Variants in UBE4B observed in about 807,000 individuals in gnomAD.
The protein encoded by UBE4B is ubiquitin conjugation factor E4 B.
Under a neutral mutation model 148.1 loss-of-function variants are expected in UBE4B, and 27 were observed. That is an observed-to-expected ratio of 0.18 (90% CI 0.13 to 0.25). The LOEUF is 0.25. UBE4B is among the 10% of genes least tolerant of loss of function. The pLI is 1.00. For synonymous variants in UBE4B, 596 were observed against 619.3 expected, an observed-to-expected ratio of 0.96 and a Z score of 0.56; for missense variants, 1,170 against 1,662.4, an observed-to-expected ratio of 0.70 and a Z score of 5.15.
intron 2 of UBE4B, among the ~76,000 whole-genome samples, chr1:10,091,820 G>A (rs981796427): frequency 6.6e-6 from 1 of 152,146 alleles, no homozygotes; most frequent in African/African-American, 2.4e-5. Flanking sequence ...GGTCAGGCTG[G>A]TCTCTAACTC....
intron 10 of UBE4B, among the ~76,000 whole-genome samples, chr1:10,122,995 A>C (rs1362922955): frequency 6.6e-6 from 1 of 152,206 alleles, no homozygotes; most frequent in African/African-American, 2.4e-5. Flanking sequence ...TCCAAGAATA[A>C]AAATTCCAGT....
intron 26 of UBE4B, chr1:10,179,157 C>A: frequency 2.0e-6 from 1 of 498,652 alleles, no homozygotes; most frequent in Non-Finnish European, 3.5e-6. Context: ...GCCTGTGGGG[C>A]CTGCTGCTGG....
chr1:10,141,004 C>G (rs1645774416), intron 17 of UBE4B, among the ~76,000 whole-genome samples: 1 of 152,134 alleles, frequency 6.6e-6, no homozygotes, highest in Non-Finnish European at 1.5e-5. Context: ...AATTCAGGGT[C>G]TCTGGTAGGT....
chr1:10,103,295 T>C, intron 5 of UBE4B: 1 of 432,330 alleles, frequency 2.3e-6, no homozygotes, highest in Non-Finnish European at 4.1e-6. Context: ...ATTTTTCATT[T>C]CCATGATTTC....
At chr1:10,116,144 T>C (rs1645304629) in intron 7 of UBE4B, among the ~76,000 whole-genome samples, 1 of 152,102 alleles carries the variant, frequency 6.6e-6, no homozygotes. Context: ...GTTCCCATAC[T>C]TTTTTTCTTT....
At position 10,161,057 on chromosome 1, in the gene UBE4B, G is replaced by T; in HGVS notation, c.3054-85G>T. ...TTAGGGTGAGATAGTTGCAGTCTGG[G>T]TGGAGGTGCTTGTTCCCTGGGATTT... On this transcript the variant is annotated intron_variant, in intron 22 of 27. Transcript: ENST00000343090. The surrounding 1 kb of genome is among the most constrained non-coding windows in gnomAD (Gnocchi z 4.1). The T allele has an allele frequency of 1.3e-6, 2 of 1,502,618 alleles. No homozygotes were observed. Among genetic ancestry groups the T allele is most frequent in the Non-Finnish European group, 1.8e-6 (2 of 1,098,486 alleles). 93.1% of individuals were successfully genotyped at this position (1,502,618 alleles called of 1,614,324 possible). A position where few individuals can be genotyped will look rare whatever the true frequency, so the allele number is the denominator to read the frequency against.
intron 8 of UBE4B, among the ~76,000 whole-genome samples, chr1:10,118,843 G>T (rs1258926997): frequency 8.2e-6 from 1 of 121,526 alleles, no homozygotes; most frequent in Non-Finnish European, 1.8e-5. Flanking sequence ...TGGAGATGGG[G>T]TTTCACCATG....
At chr1:10,155,343 T>C (rs1322373176) in intron 21 of UBE4B, among the ~76,000 whole-genome samples, 1 of 152,122 alleles carries the variant, frequency 6.6e-6, no homozygotes, top group African/African-American at 2.4e-5. Flanking sequence ...TTTCACTTAA[T>C]CCCCACGGCA....
intron 10 of UBE4B, among the ~76,000 whole-genome samples, chr1:10,123,140 A>G (rs938635077): frequency 3.3e-5 from 5 of 152,146 alleles, no homozygotes; most frequent in African/African-American, 1.2e-4. Context: ...AGGAAAATAA[A>G]TCACTGTCGG....
intron 4 of UBE4B, among the ~76,000 whole-genome samples, chr1:10,102,279 A>C (rs539044628): frequency 1.3e-5 from 2 of 151,590 alleles, no homozygotes; most frequent in Non-Finnish European, 2.9e-5. Context: ...AAAATTGGTC[A>C]TGCACCTGGA....
chr1:10,179,791 G>C, intron 27 of UBE4B, 104 bp from the exon 28 acceptor site: 1 of 1,483,286 alleles, frequency 6.7e-7, no homozygotes, highest in Admixed American at 1.9e-5. Context: ...CTCAATGAGG[G>C]AAAGAATGGC....
At chr1:10,098,729 A>G (rs1644965321) in intron 3 of UBE4B, among the ~76,000 whole-genome samples, 2 of 152,212 alleles carry the variant, frequency 1.3e-5, no homozygotes, top group Non-Finnish European at 2.9e-5. Flanking sequence ...TGTATGTGTT[A>G]CTACAGTATA....
chr1:10,094,405 G>A lies in UBE4B; in HGVS notation c.212-1056G>A, dbSNP rs983721651. Among the ~76,000 whole-genome samples, 82 of 150,796 alleles carry A rather than the reference G, an allele frequency of 5.4e-4. 2 individuals carry two copies. The highest frequency in any genetic ancestry group is 5.9e-5 in the Non-Finnish European group (4 of 67,778). On this transcript the variant is annotated intron_variant, in intron 2 of 27. Transcript: ENST00000343090. Reference sequence around the variant, plus strand: ...TGAGAGAATTTTGCAGGGAACACCCGTATACTCACCATCTAGATTCTATCA... The same window carrying A: ...TGAGAGAATTTTGCAGGGAACACCCATATACTCACCATCTAGATTCTATCA...
chr1:10,092,164 A>G (rs1329600463), intron 2 of UBE4B, among the ~76,000 whole-genome samples: 2 of 152,146 alleles, frequency 1.3e-5, no homozygotes, highest in East Asian at 1.9e-4. Context: ...TTGAGGCTAC[A>G]GTGCCCTAGG....
intron 2 of UBE4B, among the ~76,000 whole-genome samples, chr1:10,086,639 A>G (rs1269643712): frequency 6.6e-6 from 1 of 152,180 alleles, no homozygotes; most frequent in Non-Finnish European, 1.5e-5. Flanking sequence ...TGATTATTTG[A>G]AATGATAGGT....
chr1:10,141,121 C>T (rs537773253), intron 17 of UBE4B, among the ~76,000 whole-genome samples: 32 of 152,254 alleles, frequency 2.1e-4, no homozygotes, highest in African/African-American at 6.7e-4. Flanking sequence ...CCTACATAAC[C>T]GTCATGTTTC....
chr1:10,072,405 A>G, intron 2 of UBE4B, 191 bp downstream of exon 2: 1 of 730,562 alleles, frequency 1.4e-6, no homozygotes, highest in South Asian at 1.7e-5. Context: ...AATCTGTTAA[A>G]CCAATTGCTT....
At chr1:10,046,359 A>G (rs1286885265) in intron 1 of UBE4B, among the ~76,000 whole-genome samples, 1 of 152,184 alleles carries the variant, frequency 6.6e-6, no homozygotes, top group African/African-American at 2.4e-5. Context: ...AGAGTCCAGA[A>G]TCCCTGGGTG....
At chr1:10,077,640 A>G (rs149920000) in intron 2 of UBE4B, among the ~76,000 whole-genome samples, 1 of 152,340 alleles carries the variant, frequency 6.6e-6, no homozygotes, top group Non-Finnish European at 1.5e-5. Flanking sequence ...GAAGCGAAGT[A>G]AGATTTGAGT....
Sources: gnomAD v4.1 joint callset for allele counts (sites outside exome capture counted in the v4.1 genomes callset) on GRCh38, gnomAD v4.1.1 for gene constraint, Gnocchi (gnomAD v3.1) non-coding constraint, MANE v1.5 for transcripts, NCBI Gene and HGNC (gene_info 2026-07-23, HGNC 2026-07-21) for gene names.